Variants in VPS13D observed in about 807,000 individuals in gnomAD.
The protein encoded by VPS13D is intermembrane lipid transfer protein VPS13D.
Under a neutral mutation model 461.9 loss-of-function variants are expected in VPS13D, and 187 were observed. The observed-to-expected ratio is 0.40, with a 90% CI of 0.36 to 0.46. The LOEUF (loss-of-function observed/expected upper bound fraction) is 0.46, where lower values mean the gene tolerates loss of function less well. VPS13D is among the 20% of genes least tolerant of loss of function. The pLI is 0.60. For missense variants in VPS13D, 4,711 were observed against 5,364.9 expected, an observed-to-expected ratio of 0.88 and a Z score of 3.81; for synonymous variants, 1,951 against 1,986.3, an observed-to-expected ratio of 0.98 and a Z score of 0.47.
intron 1 of VPS13D, among the ~76,000 whole-genome samples, chr1:12,230,658 G>A (rs1639935002): frequency 6.6e-6 from 1 of 152,066 alleles, no homozygotes; most frequent in Non-Finnish European, 1.5e-5. Context: ...ACACTCTCGC[G>A]TGGAGACATC....
Position 12,270,987 on chromosome 1 carries a change from C to T in VPS13D, c.1973-7C>T. On this transcript the variant is annotated splice_region_variant and splice_polypyrimidine_tract_variant and intron_variant, in intron 16 of 69. Coordinates refer to ENST00000620676, the MANE Select transcript of VPS13D (RefSeq NM_015378.4). The stretch of plus-strand genomic sequence containing the variant: ...TCTGACTCTGCTGTGTATTTCCAAC[C>T]TTGCAGGTTTTGGTTATCAGTCTGA... 1.2e-6 allele frequency: 2 copies of T among 1,613,330 alleles called. No individual in the cohort carries two copies. Among genetic ancestry groups the T allele is most frequent in the African/African-American group, 1.3e-5 (1 of 74,948 alleles).
chr1:12,417,816 T>G (rs1644814762), intron 65 of VPS13D, among the ~76,000 whole-genome samples: 1 of 152,234 alleles, frequency 6.6e-6, no homozygotes, highest in African/African-American at 2.4e-5. Context: ...GGATGATAGA[T>G]TGGTCAGATC....
chr1:12,261,680 C>T (rs1641114117), intron 12 of VPS13D, among the ~76,000 whole-genome samples: 1 of 152,218 alleles, frequency 6.6e-6, no homozygotes, highest in Non-Finnish European at 1.5e-5. Context: ...GAATCTTATC[C>T]TCCCTGGTTT....
At position 12,329,907 on chromosome 1, in the gene VPS13D, G is replaced by A. The variant is rs1217326421; in HGVS notation, c.8276G>A (p.Arg2759His). ...HFTLSGDYYN[R>H]ALSGWEPFIE... ...ACCCTTTCTGGAGATTATTATAACC[G>A]TGCTCTTTCAGGTCAGTATAAAGCA... Residue 2759 changes from arginine to histidine, a missense_variant, in exon 37 of 70, where the codon CGT (arginine) becomes CAT (histidine). By Grantham distance (29) the Arg-to-His change is conservative. Transcript: ENST00000620676. The A allele has an allele frequency of 1.9e-6, 3 of 1,612,522 alleles. No homozygotes were observed. The highest frequency in any genetic ancestry group is 1.7e-6 in the Non-Finnish European group (2 of 1,179,182).
intron 29 of VPS13D, 85 bp downstream of exon 29, chr1:12,312,010 C>A: frequency 1.7e-6 from 2 of 1,150,654 alleles, no homozygotes; most frequent in African/African-American, 1.5e-5. Context: ...GCAGAGGTTG[C>A]AGAGTGGTGG....
At chr1:12,481,510 C>A (rs1193372978) in intron 67 of VPS13D, among the ~76,000 whole-genome samples, 2 of 152,172 alleles carry the variant, frequency 1.3e-5, no homozygotes, top group Non-Finnish European at 2.9e-5. Flanking sequence ...CCTAGAAGGA[C>A]AAGTGCTCTG....
intron 65 of VPS13D, among the ~76,000 whole-genome samples, chr1:12,447,812 G>A (rs1481476433): frequency 6.6e-6 from 1 of 152,176 alleles, no homozygotes; most frequent in Non-Finnish European, 1.5e-5. Context: ...GACTAGGAAG[G>A]AGATCATCTT....
In VPS13D at chr1:12,396,716, T is replaced by C. The variant is rs1383398643; in HGVS notation, c.11635-3465T>C. 2.0e-5 allele frequency among the ~76,000 whole-genome samples: 3 copies of C among 152,176 alleles called. No homozygotes were observed. The East Asian group carries it at 5.8e-4, about 29-fold the overall frequency. ...TCCAGATTGTCGAGGCCAGAACCTC[T>C]TTTCAGAAGAAATTTTTCTTTTATT... On this transcript the variant is annotated intron_variant, in intron 60 of 69. Coordinates refer to ENST00000620676, the MANE Select transcript of VPS13D (RefSeq NM_015378.4).
Position 12,415,135 on chromosome 1 carries a change from G to A in VPS13D, c.12079G>A (p.Val4027Met). Reference sequence around the variant, plus strand: ...TCCTTTGATACGGTTTGAAGACGCTGTGATTAATCTAGATCCATTCACTCG... The same window carrying A: ...TCCTTTGATACGGTTTGAAGACGCTATGATTAATCTAGATCCATTCACTCG... ...GFPLIRFEDA[V>M]INLDPFTRVH... Residue 4027 changes from valine (V) to methionine (M), a missense_variant, in exon 64 of 70, where the codon GTG becomes ATG. By Grantham distance (21) the Val-to-Met change is conservative (BLOSUM62 1). Transcript: ENST00000620676. 4 of 1,614,080 alleles carry A rather than the reference G, an allele frequency of 2.5e-6. No individual in the cohort carries two copies. Among genetic ancestry groups the A allele is most frequent in the Non-Finnish European group, 3.4e-6 (4 of 1,179,992 alleles).
rs1414894265 is a variant in VPS13D, at chr1:12,279,530, G to T, written c.4482G>T (p.Gln1494His). The T allele has an allele frequency of 3.1e-6, 5 of 1,607,856 alleles. No individual in the cohort carries two copies. Among genetic ancestry groups the T allele is most frequent in the Non-Finnish European group, 3.4e-6 (4 of 1,175,740 alleles). The change falls in exon 20 of 70, where the codon CAG (glutamine) becomes CAT (histidine). Residue 1494 changes from glutamine to histidine, a missense_variant. Physicochemically the swap from Gln to His is conservative, Grantham distance 24 (BLOSUM62 0). This residue lies in a region of VPS13D where 4,411 missense variants were observed against 4,937.8 expected (regional missense o/e 0.89). Transcript: ENST00000620676. This position sits in a 1 kb window ranked among gnomAD's most constrained non-coding sequence, Gnocchi z 4.3. ...ACATCCTGAACAACACCACCATTCA[G>T]TTTAAACTGGAGAAGATCCCTATAG... ...AFHILNNTTI[Q>H]FKLEKIPIER... is the part of the protein sequence containing the mutation.
In VPS13D at chr1:12,363,082, A is replaced by G. The variant is rs1448010587; in HGVS notation, c.10283A>G (p.Asn3428Ser). ...TCCTATGTGTTTTAGGGAACAGCCAATCCCGAAGGTTACATTTCCACCCTT... is the reference window on the plus strand; with the variant it reads ...TCCTATGTGTTTTAGGGAACAGCCAGTCCCGAAGGTTACATTTCCACCCTT... Reference protein sequence around the residue: ...REFARGQGTANPEGYISTLPG... With the variant: ...REFARGQGTASPEGYISTLPG... Residue 3428 changes from asparagine (N) to serine (S), a missense_variant, in exon 52 of 70, where the codon AAT (asparagine) becomes AGT (serine). Asn to Ser is a conservative substitution (Grantham distance 46). Transcript: ENST00000620676. 13 of 1,614,022 alleles carry G rather than the reference A, an allele frequency of 8.1e-6. No homozygotes were observed. Among genetic ancestry groups the G allele is most frequent in the South Asian group, 1.1e-5 (1 of 91,072 alleles).
At chr1:12,401,305 C>G (rs557007567) in intron 61 of VPS13D, among the ~76,000 whole-genome samples, 1 of 152,274 alleles carries the variant, frequency 6.6e-6, no homozygotes, top group African/African-American at 2.4e-5. Context: ...TAGCTGCCAT[C>G]CATCTGAGCA....
At chr1:12,443,750 T>C (rs1442460374) in intron 65 of VPS13D, among the ~76,000 whole-genome samples, 1 of 152,210 alleles carries the variant, frequency 6.6e-6, no homozygotes, top group East Asian at 1.9e-4. Flanking sequence ...TTTTATTCTT[T>C]TCTTTGCCTA....
chr1:12,465,389 AG>A (rs1645468736), intron 67 of VPS13D: 1 of 152,310 alleles, frequency 6.6e-6, no homozygotes, highest in African/African-American at 2.4e-5. Context: ...AATTTAGCAA[AG>A]CTCAGGAGTG....
chr1:12,490,526 A>G (rs1480998393), intron 67 of VPS13D, among the ~76,000 whole-genome samples: 1 of 152,250 alleles, frequency 6.6e-6, no homozygotes, highest in African/African-American at 2.4e-5. Context: ...CTTCGTCTTT[A>G]GAAGTAGATG....
At chr1:12,439,861 C>A (rs1645107944) in intron 65 of VPS13D, among the ~76,000 whole-genome samples, 1 of 152,176 alleles carries the variant, frequency 6.6e-6, no homozygotes, top group Admixed American at 6.5e-5. Context: ...TAAGTGAAAC[C>A]ACTTTGAGGT....
rs891561989 is a variant in VPS13D at position 12,384,870 on chromosome 1, C to G, written c.11371-390C>G. 3.3e-5 allele frequency among the ~76,000 whole-genome samples: 5 copies of G among 152,274 alleles called. No homozygotes were observed. In the East Asian group the frequency reaches 9.6e-4, roughly 29 times the overall value. ...TTCTGGGATCAAGCGATCTTCCCAC[C>G]TTAGCCTCGCAAGTAGCTTGGACTA... On this transcript the variant is annotated intron_variant, in intron 58 of 69. Transcript: ENST00000620676.
chr1:12,496,338 T>C (rs75078668), intron 67 of VPS13D, among the ~76,000 whole-genome samples: 5,208 of 152,314 alleles, frequency 0.034, 177 homozygotes, highest in Admixed American at 0.11. Flanking sequence ...GACCTGGCTT[T>C]GGGAGCACTT....
At chr1:12,343,575 G>A (rs961711444) in intron 42 of VPS13D, among the ~76,000 whole-genome samples, 8 of 151,028 alleles carry the variant, frequency 5.3e-5, no homozygotes, top group Admixed American at 4.6e-4. Context: ...AGGTCTCACT[G>A]TGTTGCCCAG....
Sources: gnomAD v4.1 joint callset for allele counts (sites outside exome capture counted in the v4.1 genomes callset) on GRCh38, gnomAD v4.1.1 for gene constraint, gnomAD v4.1.1 regional missense constraint, Gnocchi (gnomAD v3.1) non-coding constraint, MANE v1.5 for transcripts, NCBI Gene and HGNC (gene_info 2026-07-23, HGNC 2026-07-21) for gene names.